PEX14: variants seen among roughly 807,000 people sequenced by gnomAD.
The protein encoded by PEX14 is peroxisomal membrane protein PEX14.
PEX14 carries 15 observed loss-of-function variants against 49.5 expected under a neutral mutation model. The observed-to-expected ratio is 0.30, with a 90% CI of 0.20 to 0.47. The LOEUF (loss-of-function observed/expected upper bound fraction) is 0.47. Among genes scored for constraint, PEX14 ranks in the 20% least tolerant of loss-of-function variants. The probability of loss-of-function intolerance (pLI) is 1.00; values close to 1 mark genes in which losing one functional copy is unlikely to be tolerated. For missense variants in PEX14, 398 were observed against 494.8 expected (o/e 0.80, Z 1.86); for synonymous variants, 210 against 212.7 (o/e 0.99, Z 0.11).
chr1:10,585,097 A>G (rs1640441330), intron 3 of PEX14, among the ~76,000 whole-genome samples: 1 of 152,230 alleles, frequency 6.6e-6, no homozygotes, highest in African/African-American at 2.4e-5. Flanking sequence ...TTTTAGTCTC[A>G]GGACCCCTTT....
intron 3 of PEX14, among the ~76,000 whole-genome samples, chr1:10,583,224 CT>C (rs59269485): frequency 0.077 from 11,062 of 142,972 alleles, 994 homozygotes; most frequent in African/African-American, 0.22. Context: ...TCTTTCTACA[CT>C]TTTTTTTTTT....
intron 2 of PEX14, among the ~76,000 whole-genome samples, chr1:10,504,368 T>C (rs1489743900): frequency 6.6e-6 from 1 of 152,224 alleles, no homozygotes; most frequent in East Asian, 1.9e-4. Flanking sequence ...GGGGCACTCC[T>C]TGACAGTCAG....
At chr1:10,557,112 T>C (rs1283336581) in intron 3 of PEX14, among the ~76,000 whole-genome samples, 4 of 152,170 alleles carry the variant, frequency 2.6e-5, no homozygotes, top group Non-Finnish European at 5.9e-5. Flanking sequence ...CTGGTATCCA[T>C]CAATACAGAT....
At chr1:10,503,624 CG>C (rs900005246) in intron 2 of PEX14, among the ~76,000 whole-genome samples, 4 of 151,342 alleles carry the variant, frequency 2.6e-5, no homozygotes, top group African/African-American at 9.7e-5. Flanking sequence ...GTATTCCATG[CG>C]GCAAACTCAG....
At chr1:10,590,535 C>T (rs371627295) in intron 3 of PEX14, among the ~76,000 whole-genome samples, 38 of 152,160 alleles carry the variant, frequency 2.5e-4, no homozygotes, top group East Asian at 2.3e-3. Flanking sequence ...ACTCATTCAA[C>T]GTAAGAAACT....
At chr1:10,544,134 A>G (rs990003739) in intron 3 of PEX14, among the ~76,000 whole-genome samples, 26 of 152,208 alleles carry the variant, frequency 1.7e-4, no homozygotes, top group African/African-American at 5.8e-4. Context: ...TTTTTTCACT[A>G]TGACCCTAGT....
At chr1:10,605,785 A>G (rs1641109464) in intron 4 of PEX14, among the ~76,000 whole-genome samples, 1 of 152,128 alleles carries the variant, frequency 6.6e-6, no homozygotes, top group South Asian at 2.1e-4. Context: ...GCTACCTGAA[A>G]GTTACTGGTT....
intron 1 of PEX14, among the ~76,000 whole-genome samples, chr1:10,477,669 AACC>A (rs1641218632): frequency 6.6e-6 from 1 of 152,194 alleles, no homozygotes; most frequent in African/African-American, 2.4e-5. Context: ...AAAGGTGAAT[AACC>A]TTCTCTTCCC....
At chr1:10,614,780 G>A (rs1463469337) in intron 4 of PEX14, among the ~76,000 whole-genome samples, 1 of 152,226 alleles carries the variant, frequency 6.6e-6, no homozygotes, top group Non-Finnish European at 1.5e-5. Context: ...TCCGGGTATG[G>A]ATGAAGGCCC....
chr1:10,536,773 G>A (rs991267556), intron 3 of PEX14, among the ~76,000 whole-genome samples: 5 of 152,172 alleles, frequency 3.3e-5, no homozygotes, highest in South Asian at 2.1e-4. Context: ...AGATTGAAGC[G>A]GTAAATTAGT....
At chr1:10,493,094 G>A (rs1326682206) in intron 1 of PEX14, among the ~76,000 whole-genome samples, 1 of 152,008 alleles carries the variant, frequency 6.6e-6, no homozygotes, top group Non-Finnish European at 1.5e-5. Flanking sequence ...CGTCTGTCAG[G>A]GGGCAGAAGT....
chr1:10,497,802 T>C (rs927615112), intron 2 of PEX14, among the ~76,000 whole-genome samples: 2 of 152,238 alleles, frequency 1.3e-5, no homozygotes, highest in Admixed American at 1.3e-4. Context: ...TTTTTGTGTT[T>C]ATTATTGTTA....
chr1:10,601,518 A>T (rs575961571), intron 4 of PEX14, among the ~76,000 whole-genome samples: 4 of 152,234 alleles, frequency 2.6e-5, no homozygotes, highest in African/African-American at 9.6e-5. Flanking sequence ...TACGGATCTT[A>T]TTTAGAGATC....
intron 3 of PEX14, among the ~76,000 whole-genome samples, chr1:10,557,415 G>A (rs183655379): frequency 2.7e-4 from 41 of 152,172 alleles, no homozygotes; most frequent in East Asian, 1.7e-3. Flanking sequence ...GTGAAACCTC[G>A]TCTCTACTAA....
intron 2 of PEX14, among the ~76,000 whole-genome samples, chr1:10,505,928 G>A (rs535377715): frequency 1.3e-4 from 20 of 152,242 alleles, no homozygotes; most frequent in Admixed American, 1.2e-3. Flanking sequence ...TGATCTGCCC[G>A]CCTCAGCCTC....
chr1:10,535,994 T>G, intron 2 of PEX14: 4 of 537,194 alleles, frequency 7.4e-6, no homozygotes, highest in Non-Finnish European at 1.0e-5. Context: ...GGCAGAGGGA[T>G]TAGATTTGAC....
At chr1:10,498,140 C>G (rs1419339438) in intron 2 of PEX14, among the ~76,000 whole-genome samples, 1 of 152,116 alleles carries the variant, frequency 6.6e-6, no homozygotes, top group Non-Finnish European at 1.5e-5. Flanking sequence ...ATTAGCCGGG[C>G]TTGGTGCCTC....
chr1:10,536,542 A>T, intron 3 of PEX14: 1 of 516,058 alleles, frequency 1.9e-6, no homozygotes, highest in South Asian at 2.0e-5. Context: ...ATCATGGCAA[A>T]GGCAGCATTC....
chr1:10,587,440 G>C (rs1557860420), intron 3 of PEX14, among the ~76,000 whole-genome samples: 1 of 152,188 alleles, frequency 6.6e-6, no homozygotes, highest in East Asian at 1.9e-4. Flanking sequence ...GTGAGATTCT[G>C]TCTCAAATAA....
Sources: allele counts gnomAD v4.1 joint callset (sites outside exome capture counted in the v4.1 genomes callset), GRCh38; gene constraint gnomAD v4.1.1; transcripts MANE v1.5; gene names NCBI Gene and HGNC (gene_info 2026-07-23, HGNC 2026-07-21).